The following GOLGA1 variants were observed in gnomAD, a reference collection of about 807,000 sequenced individuals.
GOLGA1 encodes golgin subfamily A member 1.
Under a neutral mutation model 119.7 loss-of-function variants are expected in GOLGA1, and 63 were observed. The ratio of observed to expected loss-of-function variants is 0.53; its 90% confidence interval spans 0.43 to 0.65. The LOEUF is 0.65. Ranked by LOEUF, GOLGA1 falls within the 30% of genes least tolerant of loss-of-function variation. The pLI is 0.00. For missense variants in GOLGA1, 798 were observed against 912.8 expected, an observed-to-expected ratio of 0.87 and a Z score of 1.62; for synonymous variants, 318 against 333.4, an observed-to-expected ratio of 0.95 and a Z score of 0.50.
upstream of GOLGA1, chr9:124,945,102 A>G (rs1167664728): frequency 6.6e-6 from 1 of 152,216 alleles, no homozygotes; most frequent in Non-Finnish European, 1.5e-5. Flanking sequence ...CCAAAATAGG[A>G]AATTGATACC....
At chr9:124,900,953 T>C (rs1830090128) in intron 12 of GOLGA1, among the ~76,000 whole-genome samples, 1 of 151,944 alleles carries the variant, frequency 6.6e-6, no homozygotes. Context: ...ATGCAGCAAT[T>C]AACATCTTCA....
Position 124,888,465 on chromosome 9 carries a change from G to A in GOLGA1, c.1762-69C>T. The A allele has an allele frequency of 2.1e-6, 3 of 1,432,766 alleles. No homozygotes were observed. Among genetic ancestry groups the A allele is most frequent in the African/African-American group, 1.4e-5 (1 of 71,526 alleles). The allele number at this position is 1,432,766 out of a possible 1,614,324, so 88.8% of individuals were successfully genotyped here. On this transcript the variant is annotated intron_variant, in intron 18 of 22. Coordinates refer to ENST00000373555, the MANE Select transcript of GOLGA1 (RefSeq NM_002077.4). The surrounding 1 kb of genome is among the most constrained non-coding windows in gnomAD (Gnocchi z 4.4). Reference sequence around the variant, plus strand: ...TGAAGCTGAGCCACAGGTACACAGGGAAGGGGAGCTAGACTCGTCCCTTAG... The same window carrying A: ...TGAAGCTGAGCCACAGGTACACAGGAAAGGGGAGCTAGACTCGTCCCTTAG...
intron 10 of GOLGA1, among the ~76,000 whole-genome samples, chr9:124,914,526 G>A (rs1370908973): frequency 6.6e-6 from 1 of 152,010 alleles, no homozygotes; most frequent in Non-Finnish European, 1.5e-5. Flanking sequence ...GAAAGAAAAA[G>A]AGTAACTGTT....
intron 5 of GOLGA1, among the ~76,000 whole-genome samples, chr9:124,928,831 G>A (rs1830719520): frequency 6.6e-6 from 1 of 152,112 alleles, no homozygotes; most frequent in Non-Finnish European, 1.5e-5. Flanking sequence ...TATTGCTGAG[G>A]GAGTGATGAC....
intron 15 of GOLGA1, among the ~76,000 whole-genome samples, chr9:124,891,643 G>GT (rs534178923): frequency 7.7e-4 from 113 of 145,928 alleles, no homozygotes; most frequent in East Asian, 1.4e-3. Flanking sequence ...CCATTCTTTT[G>GT]TTTTTTTTTT....
rs1320651150 is a variant in GOLGA1, at chr9:124,889,277, G to A, written c.1627C>T (p.His543Tyr). Residue 543 changes from histidine (H) to tyrosine (Y), a missense_variant, in exon 18 of 23, where the codon CAC (histidine) becomes TAC (tyrosine). His to Tyr is a moderately conservative substitution (Grantham distance 83). Coordinates refer to ENST00000373555, the MANE Select transcript of GOLGA1 (RefSeq NM_002077.4). ...GCCTCCAGCTCGGCCTGCAGCTGGTGTATCTGCAGCAGGGCAGAGTTGTGA... is the reference window on the plus strand; with the variant it reads ...GCCTCCAGCTCGGCCTGCAGCTGGTATATCTGCAGCAGGGCAGAGTTGTGA... Reference protein sequence around the residue: ...RGHNSALLQIHQLQAELEALR... With the variant: ...RGHNSALLQIYQLQAELEALR... The A allele has an allele frequency of 4.3e-6, 7 of 1,613,788 alleles. No individual in the cohort carries two copies. Among genetic ancestry groups the A allele is most frequent in the African/African-American group, 2.7e-5 (2 of 74,956 alleles).
chr9:124,879,867 A>C lies in GOLGA1; in HGVS notation c.*663T>G, dbSNP rs1829533217. 6.6e-6 allele frequency: 1 copy of C among 152,620 alleles called. No homozygotes were observed. Among genetic ancestry groups the C allele is most frequent in the Non-Finnish European group, 1.5e-5 (1 of 68,052 alleles). The allele number at this position is 152,620 out of a possible 1,614,324, so 9.5% of individuals were successfully genotyped here. Reference sequence around the variant, plus strand: ...AAGGCAATTGAGTGTATTTGGTACTAAGGGTCTTTTCATATATTTGCTAGT... The same window carrying C: ...AAGGCAATTGAGTGTATTTGGTACTCAGGGTCTTTTCATATATTTGCTAGT... On this transcript the variant is annotated 3_prime_UTR_variant, in exon 23 of 23. Transcript: ENST00000373555.
intron 12 of GOLGA1, among the ~76,000 whole-genome samples, chr9:124,902,836 C>G (rs1478721071): frequency 1.3e-5 from 2 of 152,136 alleles, no homozygotes; most frequent in Non-Finnish European, 2.9e-5. Context: ...ACATTCACAT[C>G]TTAGATTTAA....
At chr9:124,908,611 A>G (rs1830277345) in intron 11 of GOLGA1, 139 bp from the exon 12 acceptor site, 2 of 638,028 alleles carry the variant, frequency 3.1e-6, no homozygotes, top group Non-Finnish European at 5.7e-6. Context: ...TAATTGAGAA[A>G]TAATTCACAT....
At chr9:124,915,870 G>C (rs1002989019) in intron 10 of GOLGA1, among the ~76,000 whole-genome samples, 2 of 152,006 alleles carry the variant, frequency 1.3e-5, no homozygotes, top group Non-Finnish European at 2.9e-5. Context: ...TTGGGAGTCC[G>C]AGGCAGGCAG....
intron 3 of GOLGA1, among the ~76,000 whole-genome samples, chr9:124,937,821 G>T (rs1289096804): frequency 6.6e-6 from 1 of 151,954 alleles, no homozygotes; most frequent in Non-Finnish European, 1.5e-5. Context: ...GGTGGCTCAC[G>T]CCTGTAATCC....
rs764887525 is a variant in GOLGA1, at chr9:124,900,474, T to G, written c.1139A>C (p.Gln380Pro). ...LQQSKGIVAA[Q>P]ETQIQELAAA... ...TACGAGCTCCTGTATCTGAGTTTCC[T>G]GGGCAGCCACAATGCCCTTGCTCTG... Residue 380 changes from glutamine (Q) to proline (P), a missense_variant, in exon 13 of 23, where the codon CAG becomes CCG. By Grantham distance (76) the Gln-to-Pro change is moderately conservative. Coordinates refer to ENST00000373555, the MANE Select transcript of GOLGA1 (RefSeq NM_002077.4). 3 of 1,586,040 alleles carry G rather than the reference T, an allele frequency of 1.9e-6. No homozygotes were observed.
intron 12 of GOLGA1, among the ~76,000 whole-genome samples, chr9:124,903,591 G>A (rs1830153716): frequency 6.8e-6 from 1 of 148,020 alleles, no homozygotes; most frequent in Non-Finnish European, 1.5e-5. Context: ...CCCAGGAATT[G>A]GAGACCTGCC....
intron 10 of GOLGA1, among the ~76,000 whole-genome samples, chr9:124,919,459 T>C (rs963990788): frequency 1.8e-4 from 28 of 152,186 alleles, no homozygotes; most frequent in Non-Finnish European, 3.5e-4. Context: ...CATTCACGTA[T>C]ATATTTACTG....
intron 22 of GOLGA1, 60 bp from the exon 23 acceptor site, chr9:124,880,670 T>C (rs1311988010): frequency 9.6e-7 from 1 of 1,037,814 alleles, no homozygotes; most frequent in Non-Finnish European, 1.5e-6. Flanking sequence ...CCAGGGAAAC[T>C]GAACCGCCCC....
intron 12 of GOLGA1, among the ~76,000 whole-genome samples, chr9:124,905,425 G>T (rs533409109): frequency 6.6e-5 from 10 of 152,196 alleles, no homozygotes; most frequent in African/African-American, 2.4e-4. Context: ...TCATGCCACT[G>T]CACTCCAGCC....
intron 10 of GOLGA1, among the ~76,000 whole-genome samples, chr9:124,914,049 G>T (rs1238180494): frequency 6.6e-6 from 1 of 152,170 alleles, no homozygotes; most frequent in Non-Finnish European, 1.5e-5. Context: ...GATAACACAG[G>T]AAAGTGAGTG....
chr9:124,909,911 C>T (rs1276269938), intron 11 of GOLGA1, among the ~76,000 whole-genome samples: 5 of 152,108 alleles, frequency 3.3e-5, no homozygotes, highest in African/African-American at 1.2e-4. Flanking sequence ...ATTACAGGCA[C>T]CCGCCACCAT....
chr9:124,922,720 G>A (rs925928318), intron 8 of GOLGA1, among the ~76,000 whole-genome samples: 7 of 151,508 alleles, frequency 4.6e-5, no homozygotes, highest in South Asian at 2.1e-4. Flanking sequence ...TGCTATGATC[G>A]CACCTGTGAG....
Sources: gnomAD v4.1 joint callset for allele counts (sites outside exome capture counted in the v4.1 genomes callset) on GRCh38, gnomAD v4.1.1 for gene constraint, Gnocchi (gnomAD v3.1) non-coding constraint, MANE v1.5 for transcripts, NCBI Gene and HGNC (gene_info 2026-07-23, HGNC 2026-07-21) for gene names.